FABP7: variants seen among roughly 807,000 people sequenced by gnomAD.
The protein encoded by FABP7 is fatty acid-binding protein, brain.
FABP7 carries 13 observed loss-of-function variants against 14.2 expected under a neutral mutation model. The observed-to-expected ratio is 0.91, with a 90% CI of 0.59 to 1.45. The LOEUF (loss-of-function observed/expected upper bound fraction) is 1.45. Among genes scored for constraint, FABP7 ranks in the 40% most tolerant of loss-of-function variants. The pLI, the probability that FABP7 is intolerant of heterozygous loss-of-function variation, is 0.00. For missense variants in FABP7, 149 were observed against 157.6 expected, an observed-to-expected ratio of 0.95 and a Z score of 0.29; for synonymous variants, 49 against 51.4, an observed-to-expected ratio of 0.95 and a Z score of 0.20.
At position 122,783,873 on chromosome 6, in the gene FABP7, C is replaced by G. The variant is rs762059899; in HGVS notation, c.*106C>G. On this transcript the variant is annotated 3_prime_UTR_variant, in exon 4 of 4. Coordinates refer to ENST00000368444, the MANE Select transcript of FABP7 (RefSeq NM_001446.5). Reference sequence around the variant, plus strand: ...GCTGATCATTAATTAGAAGGTTATCCTTGGTGTGGAGGTGGAAAATGGTGA... The same window carrying G: ...GCTGATCATTAATTAGAAGGTTATCGTTGGTGTGGAGGTGGAAAATGGTGA... 4.4e-5 allele frequency: 41 copies of G among 928,022 alleles called. No homozygotes were observed. The highest frequency in any genetic ancestry group is 6.5e-5 in the Non-Finnish European group (40 of 612,262). The allele number at this position is 928,022 out of a possible 1,614,324, so 57.5% of individuals were successfully genotyped here. A position where few individuals can be genotyped will look rare whatever the true frequency, so the allele number is the denominator to read the frequency against.
At chr6:122,765,018 A>C in the FABP7 span, among the ~76,000 whole-genome samples, 2 of 152,190 alleles carry the variant, frequency 1.3e-5, no homozygotes, top group Non-Finnish European at 2.9e-5. Context: ...AGTAACATGA[A>C]AACATTATAA....
chr6:122,780,524 C>T, intron 2 of FABP7, 61 bp downstream of exon 2: 1 of 1,500,786 alleles, frequency 6.7e-7, no homozygotes, highest in Non-Finnish European at 9.1e-7. Context: ...ATAAAGATTT[C>T]CAATGCATGT....
chr6:122,780,255 T>C (rs1196613422), intron 1 of FABP7, 36 bp from the exon 2 acceptor site: 1 of 1,608,106 alleles, frequency 6.2e-7, no homozygotes, highest in Non-Finnish European at 8.5e-7. Flanking sequence ...ATTTTGGAAG[T>C]CGCTGCAGAC....
At chr6:122,776,641 G>T (rs1780677935), upstream of FABP7, among the ~76,000 whole-genome samples, 1 of 152,060 alleles carries the variant, frequency 6.6e-6, no homozygotes, top group Non-Finnish European at 1.5e-5. Flanking sequence ...ATAATTCATA[G>T]CATTTTTCAA....
chr6:122,776,017 T>G (rs186357521), upstream of FABP7, among the ~76,000 whole-genome samples: 1 of 152,198 alleles, frequency 6.6e-6, no homozygotes, highest in East Asian at 1.9e-4. Context: ...CCAGTTAAAA[T>G]GGCTATTATC....
chr6:122,782,106 A>C, intron 3 of FABP7: 1 of 985,314 alleles, frequency 1.0e-6, no homozygotes, highest in Non-Finnish European at 1.2e-6. Flanking sequence ...TCGAATGCAT[A>C]ATATGCCTTT....
At chr6:122,755,410 ATTC>A in the FABP7 span, among the ~76,000 whole-genome samples, 3 of 150,552 alleles carry the variant, frequency 2.0e-5, no homozygotes, top group Non-Finnish European at 1.5e-5. Flanking sequence ...TATAACCTTG[ATTC>A]TTAAGTGAGA....
rs1021757404 is a variant in FABP7, at chr6:122,782,902, G to A, written c.349-815G>A. The A allele has an allele frequency of 2.2e-5, 22 of 985,254 alleles. No individual in the cohort carries two copies. In the Admixed American group the frequency reaches 3.7e-4, roughly 17 times the overall value. 61.0% of individuals were successfully genotyped at this position (985,254 alleles called of 1,614,324 possible). On this transcript the variant is annotated intron_variant, in intron 3 of 3. Transcript: ENST00000368444. ...GAAAGGACTCATTTCTAAAAGATTC[G>A]CTCTGAAGTTCTCCTTTATGCTTTT...
the FABP7 span, among the ~76,000 whole-genome samples, chr6:122,765,430 C>T: frequency 5.4e-4 from 82 of 151,858 alleles, no homozygotes; most frequent in African/African-American, 2.0e-3. Context: ...TATATATAGC[C>T]TATTTTCAGC....
chr6:122,777,845 AAAATAAAT>A (rs56666229), upstream of FABP7, among the ~76,000 whole-genome samples: 2 of 143,840 alleles, frequency 1.4e-5, no homozygotes, highest in South Asian at 4.5e-4. Context: ...CCTTTCTCCA[AAAATAAAT>A]AAATAAATAA....
the FABP7 span, among the ~76,000 whole-genome samples, chr6:122,750,963 C>T: frequency 6.6e-6 from 1 of 152,148 alleles, no homozygotes; most frequent in Non-Finnish European, 1.5e-5. Context: ...TATTTTCAGT[C>T]TTTATTAGCT....
At chr6:122,780,032 C>T (rs1334319788) in intron 1 of FABP7, among the ~76,000 whole-genome samples, 165 bp downstream of exon 1, 1 of 152,194 alleles carries the variant, frequency 6.6e-6, no homozygotes, top group East Asian at 1.9e-4. Flanking sequence ...TAATGTGGCA[C>T]TTGCTTGCCT....
chr6:122,755,398 C>T, the FABP7 span, among the ~76,000 whole-genome samples: 1 of 150,552 alleles, frequency 6.6e-6, no homozygotes, highest in Non-Finnish European at 1.5e-5. Context: ...TGAATTTTTA[C>T]TTATAACCTT....
the FABP7 span, among the ~76,000 whole-genome samples, chr6:122,753,797 CCA>C: frequency 2.8e-3 from 298 of 106,002 alleles, 7 homozygotes; most frequent in East Asian, 0.052. Flanking sequence ...CCCCCCCCGC[CCA>C]CAGAAGTTTT....
upstream of FABP7, chr6:122,779,648 C>A: frequency 1.5e-6 from 1 of 687,120 alleles, no homozygotes; most frequent in Non-Finnish European, 2.6e-6. Context: ...GGTGTGTTTG[C>A]AATTTAAATC....
chr6:122,775,707 A>C (rs1348795951), upstream of FABP7, among the ~76,000 whole-genome samples: 2 of 146,546 alleles, frequency 1.4e-5, no homozygotes, highest in African/African-American at 2.4e-5. Flanking sequence ...ACAACAACAA[A>C]AAAAACAAAC....
At chr6:122,773,066 C>T in the FABP7 span, among the ~76,000 whole-genome samples, 3 of 152,120 alleles carry the variant, frequency 2.0e-5, no homozygotes, top group Non-Finnish European at 2.9e-5. Context: ...AGAGGCAAAA[C>T]TCTTTATCAG....
At chr6:122,782,606 T>C (rs1254922052) in intron 3 of FABP7, 1 of 985,304 alleles carries the variant, frequency 1.0e-6, no homozygotes, top group African/African-American at 1.7e-5. Context: ...AATGGTATAT[T>C]GATGATACTG....
chr6:122,758,713 G>A, the FABP7 span, among the ~76,000 whole-genome samples: 1 of 152,034 alleles, frequency 6.6e-6, no homozygotes, highest in Non-Finnish European at 1.5e-5. Context: ...TCTACAATTA[G>A]GAAGACAATA....
Sources: allele counts gnomAD v4.1 joint callset (sites outside exome capture counted in the v4.1 genomes callset), GRCh38; gene constraint gnomAD v4.1.1; transcripts MANE v1.5; gene names NCBI Gene and HGNC (gene_info 2026-07-23, HGNC 2026-07-21).